GALNTL6: variants seen among roughly 807,000 people sequenced by gnomAD.
GALNTL6 encodes the protein polypeptide N-acetylgalactosaminyltransferase like 6.
A neutral mutation model predicts 73.7 loss-of-function variants in GALNTL6; 46 were observed. The ratio of observed to expected loss-of-function variants is 0.62; its 90% CI spans 0.49 to 0.80. GALNTL6 has a LOEUF of 0.80. Among genes scored for constraint, GALNTL6 ranks in the 30% least tolerant of loss-of-function variants. The pLI, the probability that GALNTL6 is intolerant of heterozygous loss-of-function variation, is 0.00. For missense variants in GALNTL6, 604 were observed against 755.0 expected (o/e 0.80, Z 2.34); for synonymous variants, 259 against 263.7 (o/e 0.98, Z 0.17).
chr4:173,021,045 C>A (rs1328632587), intron 11 of GALNTL6, among the ~76,000 whole-genome samples: 1 of 152,146 alleles, frequency 6.6e-6, no homozygotes, highest in Non-Finnish European at 1.5e-5. Context: ...TGCACTCCAG[C>A]CTGGGAGACA....
At chr4:172,760,488 T>C (rs1738019430) in intron 5 of GALNTL6, among the ~76,000 whole-genome samples, 1 of 152,210 alleles carries the variant, frequency 6.6e-6, no homozygotes, top group East Asian at 1.9e-4. Flanking sequence ...TGCTCTCACC[T>C]TCCCACCTTA....
At chr4:172,528,320 AT>A (rs1477795449) in intron 5 of GALNTL6, among the ~76,000 whole-genome samples, 126 of 1,718 alleles carry the variant, frequency 0.073, 2 homozygotes, top group African/African-American at 0.12. Flanking sequence ...TAGAAATAAA[AT>A]ATATATATAT....
Position 172,502,958 on chromosome 4 carries a change from G to A in GALNTL6, c.553+154269G>A, listed in dbSNP as rs542494555. ...GCTTGTAAATATTCATGAAGTAATA[G>A]CAAACTAAATATTACAGAAATCTCG... On this transcript the variant is annotated intron_variant, in intron 5 of 12. Coordinates refer to ENST00000506823, the MANE Select transcript of GALNTL6 (RefSeq NM_001034845.3). 7.2e-5 allele frequency among the ~76,000 whole-genome samples: 11 copies of A among 152,264 alleles called. No individual in the cohort carries two copies. In the East Asian group the frequency reaches 2.1e-3, roughly 29 times the overall value.
intron 2 of GALNTL6, among the ~76,000 whole-genome samples, chr4:172,208,787 G>A (rs978188498): frequency 6.6e-6 from 1 of 152,086 alleles, no homozygotes; most frequent in Non-Finnish European, 1.5e-5. Context: ...AAGTGAGGAT[G>A]GTTGTTAACC....
intron 5 of GALNTL6, among the ~76,000 whole-genome samples, chr4:172,694,453 T>C (rs1197195317): frequency 6.6e-6 from 1 of 152,234 alleles, no homozygotes; most frequent in East Asian, 1.9e-4. Flanking sequence ...GCTTCATCCT[T>C]GTCCCTGCAA....
chr4:172,819,610 C>A (rs1012829049), intron 7 of GALNTL6, among the ~76,000 whole-genome samples: 4 of 152,148 alleles, frequency 2.6e-5, no homozygotes, highest in Admixed American at 6.5e-5. Context: ...GGGAAATTAA[C>A]AGTTGTTAAA....
At chr4:171,924,784 A>G (rs940760798) in intron 2 of GALNTL6, among the ~76,000 whole-genome samples, 1 of 152,172 alleles carries the variant, frequency 6.6e-6, no homozygotes, top group African/African-American at 2.4e-5. Context: ...TTGGATGGGG[A>G]CACTGTATAA....
chr4:172,626,976 A>G (rs1739194512), intron 5 of GALNTL6, among the ~76,000 whole-genome samples: 1 of 152,092 alleles, frequency 6.6e-6, no homozygotes, highest in Non-Finnish European at 1.5e-5. Context: ...TCCTATTTAG[A>G]TGCCTTATAT....
At chr4:172,151,689 C>T (rs1374014088) in intron 2 of GALNTL6, among the ~76,000 whole-genome samples, 1 of 151,916 alleles carries the variant, frequency 6.6e-6, no homozygotes, top group Non-Finnish European at 1.5e-5. Context: ...CGTGAACATG[C>T]CTAGGAATCA....
At chr4:171,848,945 A>G (rs1457342939) in intron 2 of GALNTL6, among the ~76,000 whole-genome samples, 1 of 152,080 alleles carries the variant, frequency 6.6e-6, no homozygotes, top group East Asian at 1.9e-4. Flanking sequence ...TAATTTGAAT[A>G]AATGTAAGAG....
chr4:172,623,885 G>A (rs1739057989), intron 5 of GALNTL6, among the ~76,000 whole-genome samples: 1 of 151,966 alleles, frequency 6.6e-6, no homozygotes, highest in African/African-American at 2.4e-5. Context: ...TTACCATTAT[G>A]TCTCAAATTT....
intron 5 of GALNTL6, among the ~76,000 whole-genome samples, chr4:172,761,033 GA>G (rs1269889442): frequency 6.6e-6 from 1 of 152,198 alleles, no homozygotes; most frequent in East Asian, 1.9e-4. Flanking sequence ...ACTTTGGAGT[GA>G]ACAAGTTCTG....
chr4:172,604,980 A>G (rs1738201419), intron 5 of GALNTL6, among the ~76,000 whole-genome samples: 1 of 152,208 alleles, frequency 6.6e-6, no homozygotes, highest in Non-Finnish European at 1.5e-5. Context: ...AATTCTCCTC[A>G]GGAAACTCAC....
At chr4:172,179,187 G>A (rs1366778387) in intron 2 of GALNTL6, among the ~76,000 whole-genome samples, 1 of 148,364 alleles carries the variant, frequency 6.7e-6, no homozygotes. Context: ...GGGATGGCTG[G>A]GTCAAATGGT....
chr4:172,166,847 T>C (rs1361145942), intron 2 of GALNTL6, among the ~76,000 whole-genome samples: 1 of 152,220 alleles, frequency 6.6e-6, no homozygotes, highest in African/African-American at 2.4e-5. Flanking sequence ...TACCTCAATT[T>C]ATGCAATTCA....
chr4:172,342,191 C>A (rs1741590999), intron 4 of GALNTL6, among the ~76,000 whole-genome samples: 1 of 151,980 alleles, frequency 6.6e-6, no homozygotes, highest in African/African-American at 2.4e-5. Flanking sequence ...GAGCATACAT[C>A]TCACAAAAAC....
chr4:172,525,391 A>AT (rs796334166), intron 5 of GALNTL6, among the ~76,000 whole-genome samples: 3 of 151,624 alleles, frequency 2.0e-5, no homozygotes, highest in South Asian at 2.1e-4. Context: ...TTTCTCAACA[A>AT]TTTTTTTTTA....
At chr4:172,339,611 C>A (rs1013691036) in intron 4 of GALNTL6, among the ~76,000 whole-genome samples, 2 of 152,176 alleles carry the variant, frequency 1.3e-5, no homozygotes, top group Admixed American at 6.5e-5. Flanking sequence ...GCTTTCAACT[C>A]CAGTCGGGGA....
At chr4:172,374,118 G>A (rs1353458075) in intron 5 of GALNTL6, among the ~76,000 whole-genome samples, 1 of 152,192 alleles carries the variant, frequency 6.6e-6, no homozygotes, top group Non-Finnish European at 1.5e-5. Flanking sequence ...GGACGATGGG[G>A]CAGCTTGTTT....
Sources: gnomAD v4.1 joint callset for allele counts (sites outside exome capture counted in the v4.1 genomes callset) on GRCh38, gnomAD v4.1.1 for gene constraint, MANE v1.5 for transcripts, NCBI Gene and HGNC (gene_info 2026-07-23, HGNC 2026-07-21) for gene names.